Variants in LGSN observed in about 807,000 individuals in gnomAD.
The protein encoded by LGSN is lengsin.
In LGSN, 21 loss-of-function variants were observed where a neutral mutation model predicts 19.5. The ratio of observed to expected loss-of-function variants is 1.07; its 90% CI spans 0.76 to 1.55. The LOEUF (loss-of-function observed/expected upper bound fraction) is 1.55. Ranked by LOEUF, LGSN falls within the 40% of genes most tolerant of loss-of-function variation. The probability of loss-of-function intolerance (pLI) is 0.00; values close to 1 mark genes in which losing one functional copy is unlikely to be tolerated. For synonymous variants in LGSN, 257 were observed against 215.6 expected (o/e 1.19, Z -1.68); for missense variants, 673 against 608.5 (o/e 1.11, Z -1.12).
At chr6:63,331,289 C>A in the LGSN span, among the ~76,000 whole-genome samples, 1 of 152,150 alleles carries the variant, frequency 6.6e-6, no homozygotes, top group African/African-American at 2.4e-5. Flanking sequence ...TAAGGTATTT[C>A]ACTCCATTTG....
At position 63,278,413 on chromosome 6, in the gene LGSN, C is replaced by T. The variant is rs978207188; in HGVS notation, c.*1608G>A. 1 of 151,996 alleles carries T rather than the reference C, an allele frequency of 6.6e-6. No individual in the cohort carries two copies. The allele number at this position is 151,996 out of a possible 1,614,324, so 9.4% of individuals were successfully genotyped here. A position where few individuals can be genotyped will look rare whatever the true frequency, so the allele number is the denominator to read the frequency against. ...CCTTCCTTCCCCCAGCTACCCTACA[C>T]TATCTTTCTCTCTACCCCATATGCA... On this transcript the variant is annotated 3_prime_UTR_variant, in exon 4 of 4. Transcript: ENST00000370657.
chr6:63,407,961 C>T, the LGSN span, among the ~76,000 whole-genome samples: 2 of 152,072 alleles, frequency 1.3e-5, no homozygotes, highest in Non-Finnish European at 1.5e-5. Context: ...ACCTAGGAAT[C>T]CAACTTACAA....
the LGSN span, among the ~76,000 whole-genome samples, chr6:63,373,811 A>C: frequency 6.6e-6 from 1 of 151,988 alleles, no homozygotes; most frequent in African/African-American, 2.4e-5. Context: ...AGTCTCTACC[A>C]AAATTACAAA....
At chr6:63,474,260 C>T in the LGSN span, among the ~76,000 whole-genome samples, 1 of 152,196 alleles carries the variant, frequency 6.6e-6, no homozygotes, top group Admixed American at 6.5e-5. Flanking sequence ...TATATGTGGA[C>T]AGCTGACTTT....
chr6:63,311,367 G>A (rs1392497733), intron 1 of LGSN, among the ~76,000 whole-genome samples: 7 of 152,100 alleles, frequency 4.6e-5, no homozygotes, highest in Admixed American at 2.0e-4. Context: ...GCTGTTAATC[G>A]CCAGCCGTCT....
At chr6:63,511,082 T>C in the LGSN span, among the ~76,000 whole-genome samples, 1 of 152,188 alleles carries the variant, frequency 6.6e-6, no homozygotes, top group Non-Finnish European at 1.5e-5. Flanking sequence ...TGGCACCTAT[T>C]ACTCTAGGAG....
chr6:63,442,065 C>T, the LGSN span, among the ~76,000 whole-genome samples: 6 of 152,154 alleles, frequency 3.9e-5, no homozygotes, highest in Admixed American at 6.5e-5. Context: ...AGAAGTGAGG[C>T]GCAGACCTTT....
intron 2 of LGSN, among the ~76,000 whole-genome samples, chr6:63,288,486 C>G (rs1305341038): frequency 1.3e-5 from 2 of 151,602 alleles, no homozygotes; most frequent in African/African-American, 4.8e-5. Flanking sequence ...CCATAATCAC[C>G]TGAAGTATTA....
At position 63,279,876 on chromosome 6, in the gene LGSN, A is replaced by C; in HGVS notation, c.*145T>G. ...AGCAGTCCTACTTCATCTGTCAAAT[A>C]TTCCATGGACAAAAAAAAAAGTCAA... On this transcript the variant is annotated 3_prime_UTR_variant, in exon 4 of 4. Transcript: ENST00000370657. The C allele has an allele frequency of 1.4e-6, 1 of 735,262 alleles. No individual in the cohort carries two copies. 45.5% of individuals were successfully genotyped at this position (735,262 alleles called of 1,614,324 possible).
the LGSN span, among the ~76,000 whole-genome samples, chr6:63,499,805 G>T: frequency 6.6e-6 from 1 of 151,980 alleles, no homozygotes; most frequent in African/African-American, 2.4e-5. Flanking sequence ...AGAGTGCAAG[G>T]TTGTATTTGG....
At chr6:63,444,283 C>T in the LGSN span, among the ~76,000 whole-genome samples, 2 of 152,174 alleles carry the variant, frequency 1.3e-5, no homozygotes, top group East Asian at 3.9e-4. Flanking sequence ...GATAACAAAA[C>T]TGGCAAGGGA....
At chr6:63,365,624 G>A in the LGSN span, among the ~76,000 whole-genome samples, 16 of 151,920 alleles carry the variant, frequency 1.1e-4, no homozygotes, top group African/African-American at 3.9e-4. Context: ...GTCTGGCAGA[G>A]ACACAACAAA....
chr6:63,299,628 T>C (rs1404712464), intron 1 of LGSN, among the ~76,000 whole-genome samples: 2 of 152,180 alleles, frequency 1.3e-5, no homozygotes, highest in East Asian at 3.8e-4. Flanking sequence ...GAAAAACTAT[T>C]TGGAAACTAG....
At chr6:63,370,877 A>T in the LGSN span, among the ~76,000 whole-genome samples, 1 of 152,112 alleles carries the variant, frequency 6.6e-6, no homozygotes, top group Non-Finnish European at 1.5e-5. Flanking sequence ...AGGAAAAAGC[A>T]TTTTTCCTGC....
At chr6:63,526,051 G>A in the LGSN span, among the ~76,000 whole-genome samples, 4 of 152,150 alleles carry the variant, frequency 2.6e-5, no homozygotes, top group East Asian at 1.9e-4. Context: ...TAGGCCAGGC[G>A]CAGTGGCTCA....
At chr6:63,286,642 T>C (rs992884781) in intron 2 of LGSN, among the ~76,000 whole-genome samples, 3 of 152,192 alleles carry the variant, frequency 2.0e-5, no homozygotes, top group Admixed American at 6.5e-5. Context: ...TAAATTAATA[T>C]GTCTAGAGCA....
chr6:63,516,464 A>C, the LGSN span, among the ~76,000 whole-genome samples: 1 of 152,212 alleles, frequency 6.6e-6, no homozygotes, highest in African/African-American at 2.4e-5. Flanking sequence ...GTAGTGCTTG[A>C]GAGCTCTGAA....
the LGSN span, among the ~76,000 whole-genome samples, chr6:63,382,791 G>A: frequency 3.7e-4 from 56 of 152,228 alleles, no homozygotes; most frequent in African/African-American, 1.3e-3. Flanking sequence ...TTTGTCTCAA[G>A]CTCTGCTTCC....
At chr6:63,489,845 G>C in the LGSN span, among the ~76,000 whole-genome samples, 1 of 151,976 alleles carries the variant, frequency 6.6e-6, no homozygotes, top group Non-Finnish European at 1.5e-5. Context: ...GAGTAACTGA[G>C]ATTACAGACG....
Sources: allele counts gnomAD v4.1 joint callset (sites outside exome capture counted in the v4.1 genomes callset), GRCh38; gene constraint gnomAD v4.1.1; transcripts MANE v1.5; gene names NCBI Gene and HGNC (gene_info 2026-07-23, HGNC 2026-07-21).